NBAS: variants seen among roughly 807,000 people sequenced by gnomAD.
NBAS encodes the protein NAG/BC035112 fusion.
Under a neutral mutation model 302.5 loss-of-function variants are expected in NBAS, and 219 were observed. That is an observed-to-expected ratio of 0.72 (90% CI 0.65 to 0.81). The LOEUF is 0.81. NBAS is among the 30% of genes least tolerant of loss of function. NBAS has a pLI of 0.00. For synonymous variants in NBAS, 1,118 were observed against 1,021.6 expected, an observed-to-expected ratio of 1.09 and a Z score of -1.80; for missense variants, 2,932 against 2,841.6, an observed-to-expected ratio of 1.03 and a Z score of -0.72.
the NBAS span, among the ~76,000 whole-genome samples, chr2:15,020,811 T>C: frequency 6.6e-6 from 1 of 152,192 alleles, no homozygotes; most frequent in East Asian, 1.9e-4. Context: ...GGAGAGAGCA[T>C]TACAACTCTG....
intron 48 of NBAS, among the ~76,000 whole-genome samples, chr2:15,194,625 C>T (rs566393254): frequency 3.0e-4 from 45 of 152,098 alleles, no homozygotes; most frequent in African/African-American, 1.0e-3. Context: ...ACAAAAAGAG[C>T]AAAAATATGG....
the NBAS span, among the ~76,000 whole-genome samples, chr2:15,103,071 G>T: frequency 2.6e-5 from 4 of 151,222 alleles, no homozygotes; most frequent in African/African-American, 9.8e-5. Flanking sequence ...AAGGGAGGGA[G>T]GGAGGCAGGG....
At chr2:14,903,263 C>T in the NBAS span, among the ~76,000 whole-genome samples, 2 of 150,104 alleles carry the variant, frequency 1.3e-5, no homozygotes, top group Non-Finnish European at 2.9e-5. Flanking sequence ...TTAGCATCTT[C>T]TGAATGTCAC....
intron 40 of NBAS, among the ~76,000 whole-genome samples, chr2:15,296,305 G>C (rs993861178): frequency 1.3e-5 from 2 of 152,176 alleles, no homozygotes; most frequent in Non-Finnish European, 2.9e-5. Flanking sequence ...TTGGGAGGCA[G>C]AGGCAGGTGG....
At chr2:15,089,590 A>G in the NBAS span, among the ~76,000 whole-genome samples, 1 of 152,258 alleles carries the variant, frequency 6.6e-6, no homozygotes, top group Admixed American at 6.5e-5. Flanking sequence ...GACCCAGTAC[A>G]GTGACAGGGT....
intron 21 of NBAS, among the ~76,000 whole-genome samples, chr2:15,437,240 T>A (rs1678070127): frequency 6.6e-6 from 1 of 152,048 alleles, no homozygotes; most frequent in Non-Finnish European, 1.5e-5. Context: ...TTCCAGCTAC[T>A]GGGGAGGCTG....
At chr2:15,556,927 T>TA (rs892202073) in intron 2 of NBAS, 108 bp from the exon 3 acceptor site, 287 of 837,640 alleles carry the variant, frequency 3.4e-4, no homozygotes, top group Middle Eastern at 7.3e-4. Context: ...AGCGAGTCAT[T>TA]AAAAAAAATA....
chr2:15,142,539 C>T, the NBAS span, among the ~76,000 whole-genome samples: 1 of 152,178 alleles, frequency 6.6e-6, no homozygotes, highest in East Asian at 1.9e-4. Flanking sequence ...AGGGAACGCT[C>T]CCCTTGTTTT....
the NBAS span, among the ~76,000 whole-genome samples, chr2:14,872,104 A>G: frequency 6.6e-6 from 1 of 152,234 alleles, no homozygotes; most frequent in Non-Finnish European, 1.5e-5. Flanking sequence ...GGAAAACTGG[A>G]GTGACTATAT....
chr2:15,055,883 T>C, the NBAS span, among the ~76,000 whole-genome samples: 1 of 152,220 alleles, frequency 6.6e-6, no homozygotes, highest in African/African-American at 2.4e-5. Context: ...GATCCCAAAA[T>C]GCAGTTGTAG....
rs578079204 is a variant in NBAS, at chr2:15,494,078, C to T, written c.955-5056G>A. Among the ~76,000 whole-genome samples the T allele has an allele frequency of 5.5e-4, 84 of 152,312 alleles. 1 individual carries two copies. Among genetic ancestry groups the T allele is most frequent in the African/African-American group, 1.9e-3 (79 of 41,570 alleles). ...ACCTCAGGTGAACTGCCTACTTAGG[C>T]CTCCCAAAATGCTGGGATTACAGGC... On this transcript the variant is annotated intron_variant, in intron 11 of 51. Coordinates refer to ENST00000281513, the MANE Select transcript of NBAS (RefSeq NM_015909.4).
chr2:14,886,497 T>A, the NBAS span: 6 of 152,378 alleles, frequency 3.9e-5, no homozygotes, highest in Non-Finnish European at 8.8e-5. Flanking sequence ...TTTCTGTTCA[T>A]CGGCTATGCA....
chr2:14,811,337 G>C, the NBAS span, among the ~76,000 whole-genome samples: 1 of 152,104 alleles, frequency 6.6e-6, no homozygotes, highest in Non-Finnish European at 1.5e-5. Flanking sequence ...TTGAGCCCAG[G>C]AGTTCAAGGC....
chr2:15,180,890 C>G (rs1016430733), intron 50 of NBAS, among the ~76,000 whole-genome samples: 1 of 152,160 alleles, frequency 6.6e-6, no homozygotes, highest in South Asian at 2.1e-4. Flanking sequence ...TCTGATTAAC[C>G]GTCTACTTGC....
chr2:14,867,236 A>G, the NBAS span, among the ~76,000 whole-genome samples: 2 of 152,208 alleles, frequency 1.3e-5, no homozygotes, highest in Non-Finnish European at 2.9e-5. Context: ...ATTGAGCCAT[A>G]GCAGTTTTCT....
intron 35 of NBAS, among the ~76,000 whole-genome samples, chr2:15,343,966 G>GAAA (rs78326538): frequency 1.9e-4 from 16 of 85,182 alleles, no homozygotes; most frequent in African/African-American, 4.6e-4. Context: ...TCATAAATCT[G>GAAA]AAAAAAAAAA....
At chr2:15,247,706 A>C (rs370420655) in intron 44 of NBAS, among the ~76,000 whole-genome samples, 1,960 of 90,948 alleles carry the variant, frequency 0.022, 22 homozygotes, top group Admixed American at 0.024. Context: ...ATATCTCTCT[A>C]TATATATCTA....
At chr2:15,426,687 T>C (rs1677495870) in intron 22 of NBAS, among the ~76,000 whole-genome samples, 1 of 152,256 alleles carries the variant, frequency 6.6e-6, no homozygotes, top group Non-Finnish European at 1.5e-5. Context: ...ATATTAATGA[T>C]AATTTTTAAA....
the NBAS span, among the ~76,000 whole-genome samples, chr2:14,786,960 C>T: frequency 6.6e-6 from 1 of 151,952 alleles, no homozygotes; most frequent in Non-Finnish European, 1.5e-5. Flanking sequence ...GGAGTCTAAG[C>T]CTCTTTGTAG....
Sources: allele counts gnomAD v4.1 joint callset (sites outside exome capture counted in the v4.1 genomes callset), GRCh38; gene constraint gnomAD v4.1.1; transcripts MANE v1.5; gene names NCBI Gene and HGNC (gene_info 2026-07-23, HGNC 2026-07-21).